The following EFHC2 variants were observed in gnomAD, a reference collection of about 807,000 sequenced individuals.
The protein encoded by EFHC2 is EF-hand domain-containing family member C2.
EFHC2 carries 18 observed loss-of-function variants against 52.7 expected under a neutral mutation model. That is an observed-to-expected ratio of 0.34 (90% confidence interval 0.24 to 0.51). EFHC2 has a LOEUF of 0.51. EFHC2 is among the 20% of genes least tolerant of loss of function. The pLI is 0.97. For missense variants in EFHC2, 513 were observed against 562.5 expected, an observed-to-expected ratio of 0.91 and a Z score of 0.89; for synonymous variants, 203 against 204.1, an observed-to-expected ratio of 0.99 and a Z score of 0.04.
At chrX:44,309,240 T>C in intron 2 of EFHC2, 1 of 471,311 alleles carries the variant, frequency 2.1e-6, no homozygotes, top group Non-Finnish European at 3.7e-6. Flanking sequence ...GTGTGGCTAG[T>C]TGATAATACT....
chrX:44,232,577 C>T lies in EFHC2; in HGVS notation c.1524G>A (p.Leu508=). The T allele has an allele frequency of 8.4e-7, 1 of 1,194,310 alleles. No individual in the cohort carries two copies. Among genetic ancestry groups the T allele is most frequent in the Non-Finnish European group, 1.1e-6 (1 of 886,183 alleles). The part of the protein sequence containing the change: ...ELSEYIKAEE[L]YIGVTVNVNG... ...TCACATTCACCGTGACTCCAATGTA[C>T]AGCTCCTCGGCCTTGATATATTCAG... The change falls in exon 10 of 15, where the codon CTG becomes CTA. Residue 508 remains leucine (L), a synonymous_variant. Transcript: ENST00000420999.
chrX:44,186,790 A>C (rs924981326), intron 11 of EFHC2, among the ~76,000 whole-genome samples: 1 of 111,425 alleles, frequency 9.0e-6, no homozygotes, highest in African/African-American at 3.3e-5. Flanking sequence ...TAATATAATC[A>C]GATTCTTAAA....
rs754750504 is a variant in EFHC2, at chrX:44,336,761, G to A, written c.42+6786C>T. ...TGTGTGCTTATTTCAAGCTTGACCC[G>A]GAATTATTTATGTGGCAAAATATAA... On this transcript the variant is annotated intron_variant, in intron 1 of 14. Transcript: ENST00000420999. 5.2e-4 allele frequency among the ~76,000 whole-genome samples: 58 copies of A among 111,866 alleles called. 1 individual carries two copies. Among genetic ancestry groups the A allele is most frequent in the South Asian group, 1.1e-3 (3 of 2,718 alleles).
In EFHC2 at chrX:44,261,314, A is replaced by G. The variant is rs1363757292; in HGVS notation, c.383-16T>C. ...ATAGAAGTCCCTATGGCATGAAAGAAAATACAACTGTTTTATCATGTGGCT... is the reference window on the plus strand; with the variant it reads ...ATAGAAGTCCCTATGGCATGAAAGAGAATACAACTGTTTTATCATGTGGCT... On this transcript the variant is annotated splice_polypyrimidine_tract_variant and intron_variant, in intron 3 of 14. Transcript: ENST00000420999. 1 of 1,149,184 alleles carries G rather than the reference A, an allele frequency of 8.7e-7. No homozygotes were observed. The highest frequency in any genetic ancestry group is 2.4e-5 in the Admixed American group (1 of 40,989). 94.7% of individuals were successfully genotyped at this position (1,149,184 alleles called of 1,213,427 possible).
In EFHC2 at chrX:44,235,322, G is replaced by A; in HGVS notation, c.1406C>T (p.Pro469Leu). Residue 469 changes from proline (P) to leucine (L), a missense_variant, in exon 9 of 15, where the codon CCT becomes CTT. By Grantham distance (98) the Pro-to-Leu change is moderately conservative (BLOSUM62 -3). Transcript: ENST00000420999. ...LGDDTISVFE[P>L]IERNSGIAGG... ...TCTCTTACCTGAATTCCTCTCTATA[G>A]GTTCAAACACTGAAATGGTGTCATC... 8.5e-7 allele frequency: 1 copy of A among 1,179,171 alleles called. No individual in the cohort carries two copies.
At chrX:44,314,279 C>T (rs1277354906) in intron 1 of EFHC2, among the ~76,000 whole-genome samples, 1 of 112,480 alleles carries the variant, frequency 8.9e-6, no homozygotes, top group East Asian at 2.8e-4. Context: ...GAATTTGCTT[C>T]TTTAATGTTA....
At chrX:44,230,258 T>C (rs1363687031) in intron 10 of EFHC2, among the ~76,000 whole-genome samples, 3 of 111,765 alleles carry the variant, frequency 2.7e-5, no homozygotes, top group Non-Finnish European at 5.6e-5. Flanking sequence ...GCAAGCACCC[T>C]AACCCTCGCA....
chrX:44,270,156 T>A (rs1167700977), intron 3 of EFHC2, among the ~76,000 whole-genome samples: 1 of 111,812 alleles, frequency 8.9e-6, no homozygotes, highest in Non-Finnish European at 1.9e-5. Flanking sequence ...GACTCAGTCC[T>A]TTTGTCCATT....
At chrX:44,185,891 T>C (rs1243830763) in intron 11 of EFHC2, among the ~76,000 whole-genome samples, 1 of 111,891 alleles carries the variant, frequency 8.9e-6, no homozygotes, top group Non-Finnish European at 1.9e-5. Flanking sequence ...ACAGCCAAAT[T>C]CATCTGCCTT....
intron 11 of EFHC2, among the ~76,000 whole-genome samples, chrX:44,184,312 A>G (rs1401329241): frequency 8.9e-6 from 1 of 111,807 alleles, no homozygotes; most frequent in South Asian, 3.8e-4. Context: ...CTCTACCTAG[A>G]ATGGAATGTT....
chrX:44,291,411 AT>A (rs2037791646), intron 2 of EFHC2, among the ~76,000 whole-genome samples: 1 of 112,175 alleles, frequency 8.9e-6, no homozygotes, highest in Admixed American at 9.5e-5. Context: ...CTTCCAAAGA[AT>A]TTTTTTGTAT....
At chrX:44,165,674 C>T (rs1318808850) in intron 13 of EFHC2, among the ~76,000 whole-genome samples, 1 of 111,219 alleles carries the variant, frequency 9.0e-6, no homozygotes, top group Non-Finnish European at 1.9e-5. Flanking sequence ...GGCTTTTATG[C>T]TGAGGAAAAC....
At chrX:44,177,718 C>T (rs1015940755) in intron 12 of EFHC2, among the ~76,000 whole-genome samples, 2 of 111,137 alleles carry the variant, frequency 1.8e-5, no homozygotes, top group South Asian at 3.8e-4. Flanking sequence ...TTGAAAATTC[C>T]ATTTTCTATT....
At chrX:44,218,976 G>A (rs1469736262) in intron 11 of EFHC2, among the ~76,000 whole-genome samples, 2 of 110,209 alleles carry the variant, frequency 1.8e-5, no homozygotes, top group Non-Finnish European at 3.8e-5. Flanking sequence ...AACAAATGGT[G>A]GTATATTCAT....
rs148466062 is a variant in EFHC2 at position 44,223,577 on chromosome X, C to T, written c.1751+6072G>A. On this transcript the variant is annotated intron_variant, in intron 11 of 14. Transcript: ENST00000420999. ...TAAGCCCTCACCAATACAAACACCA[C>T]CACCAGACAGTGACAGAATCAAATC... Among the ~76,000 whole-genome samples the T allele has an allele frequency of 6.9e-3, 764 of 111,297 alleles. 9 individuals are homozygous for T. The highest frequency in any genetic ancestry group is 0.022 in the African/African-American group (664 of 30,568).
intron 14 of EFHC2, among the ~76,000 whole-genome samples, chrX:44,151,809 C>T (rs2036572551): frequency 9.0e-6 from 1 of 111,546 alleles, no homozygotes; most frequent in Non-Finnish European, 1.9e-5. Context: ...GAAAACAAGG[C>T]TCAGAGGGAA....
chrX:44,160,606 C>T lies in EFHC2; in HGVS notation c.2148+3316G>A, dbSNP rs35752208. Among the ~76,000 whole-genome samples, 388 of 111,486 alleles carry T rather than the reference C, an allele frequency of 3.5e-3. 2 individuals carry two copies. Among genetic ancestry groups the T allele is most frequent in the African/African-American group, 0.012 (374 of 30,688 alleles). ...TCAGAGGCAAAATATGTAAAAACAA[C>T]CTGAATGCCTGTCAATAAAGAGCAG... On this transcript the variant is annotated intron_variant, in intron 14 of 14. Coordinates refer to ENST00000420999, the MANE Select transcript of EFHC2 (RefSeq NM_025184.4).
chrX:44,222,862 T>G (rs1285617254), intron 11 of EFHC2, among the ~76,000 whole-genome samples: 1 of 111,878 alleles, frequency 8.9e-6, no homozygotes, highest in Non-Finnish European at 1.9e-5. Flanking sequence ...CTAACTCACA[T>G]ATCTATCACC....
intron 3 of EFHC2, among the ~76,000 whole-genome samples, chrX:44,271,014 C>T (rs1360846375): frequency 9.0e-6 from 1 of 111,551 alleles, no homozygotes; most frequent in African/African-American, 3.3e-5. Flanking sequence ...CTACTTGTAC[C>T]CTGTCCCAAG....
Sources: allele counts gnomAD v4.1 joint callset (sites outside exome capture counted in the v4.1 genomes callset), GRCh38; gene constraint gnomAD v4.1.1; transcripts MANE v1.5; gene names NCBI Gene and HGNC (gene_info 2026-07-23, HGNC 2026-07-21).